Variants in CAMK1D observed in about 807,000 individuals in gnomAD.
CAMK1D encodes calcium/calmodulin dependent protein kinase ID, also known as calcium/calmodulin-dependent protein kinase type 1D.
In CAMK1D, 9 loss-of-function variants were observed where a neutral mutation model predicts 47.7. The ratio of observed to expected loss-of-function variants is 0.19; its 90% confidence interval spans 0.11 to 0.33. CAMK1D has a LOEUF of 0.33. CAMK1D is among the 10% of genes least tolerant of loss of function. CAMK1D has a pLI of 1.00. For missense variants in CAMK1D, 291 were observed against 488.7 expected (o/e 0.60, Z 3.81); for synonymous variants, 184 against 184.9 (o/e 0.99, Z 0.04).
intron 1 of CAMK1D, among the ~76,000 whole-genome samples, chr10:12,354,992 C>T (rs919470846): frequency 6.6e-6 from 1 of 151,940 alleles, no homozygotes; most frequent in East Asian, 1.9e-4. Context: ...CAGGTGTGCA[C>T]CACCATGCCT....
intron 1 of CAMK1D, among the ~76,000 whole-genome samples, chr10:12,417,273 T>TGAGAGA (rs139115283): frequency 6.7e-6 from 1 of 150,136 alleles, no homozygotes; most frequent in Non-Finnish European, 1.5e-5. Flanking sequence ...AAAAAGAGAC[T>TGAGAGA]GAGAGAGAGA....
At chr10:12,559,576 T>A (rs1290048751) in intron 2 of CAMK1D, among the ~76,000 whole-genome samples, 3 of 152,124 alleles carry the variant, frequency 2.0e-5, no homozygotes, top group Middle Eastern at 3.2e-3. Flanking sequence ...CCAGGCAATG[T>A]TTCCTTCAGG....
intron 2 of CAMK1D, among the ~76,000 whole-genome samples, chr10:12,636,566 G>A (rs1440743700): frequency 6.6e-6 from 1 of 152,108 alleles, no homozygotes; most frequent in East Asian, 1.9e-4. Context: ...GGGATCAAGC[G>A]TTTCTCCCAC....
At chr10:12,575,925 G>T (rs767060263) in intron 2 of CAMK1D, among the ~76,000 whole-genome samples, 1 of 152,184 alleles carries the variant, frequency 6.6e-6, no homozygotes, top group Non-Finnish European at 1.5e-5. Context: ...AAATGCAAGC[G>T]CAAGCACACA....
intron 5 of CAMK1D, among the ~76,000 whole-genome samples, chr10:12,770,652 T>C (rs1347986324): frequency 6.6e-6 from 1 of 152,090 alleles, no homozygotes; most frequent in African/African-American, 2.4e-5. Context: ...TTGAGTACTA[T>C]GAAGAAACTA....
At chr10:12,436,264 G>A (rs577739970) in intron 1 of CAMK1D, among the ~76,000 whole-genome samples, 10 of 152,248 alleles carry the variant, frequency 6.6e-5, no homozygotes, top group Admixed American at 1.3e-4. Flanking sequence ...GGCCAGCCTG[G>A]GCATCCTGTC....
chr10:12,738,462 A>G (rs534643022), intron 3 of CAMK1D, among the ~76,000 whole-genome samples: 1 of 152,232 alleles, frequency 6.6e-6, no homozygotes, highest in Non-Finnish European at 1.5e-5. Flanking sequence ...AATGTAAACA[A>G]AGATATTTAT....
chr10:12,724,293 CT>C (rs1269672938), intron 3 of CAMK1D, among the ~76,000 whole-genome samples: 1 of 152,170 alleles, frequency 6.6e-6, no homozygotes, highest in East Asian at 1.9e-4. Flanking sequence ...GTGTTTCTAT[CT>C]TTTTGTCTTG....
intron 1 of CAMK1D, among the ~76,000 whole-genome samples, chr10:12,461,687 CA>C (rs57291391): frequency 0.48 from 43,544 of 90,282 alleles, 6,715 homozygotes; most frequent in East Asian, 0.66. Context: ...GGCTTCATCT[CA>C]AAAAAAAAAA....
chr10:12,682,926 A>G (rs1048039153), intron 3 of CAMK1D, among the ~76,000 whole-genome samples: 46 of 150,114 alleles, frequency 3.1e-4, no homozygotes, highest in African/African-American at 1.1e-3. Flanking sequence ...ATTAAGTAAG[A>G]TTCTTTTTTT....
intron 1 of CAMK1D, among the ~76,000 whole-genome samples, chr10:12,545,121 G>A (rs1039359516): frequency 4.6e-5 from 7 of 151,984 alleles, no homozygotes; most frequent in Non-Finnish European, 1.0e-4. Flanking sequence ...AGCATGTTAA[G>A]GACTGTAATG....
chr10:12,386,664 G>A (rs993005303), intron 1 of CAMK1D, among the ~76,000 whole-genome samples: 2 of 152,110 alleles, frequency 1.3e-5, no homozygotes, highest in Non-Finnish European at 2.9e-5. Flanking sequence ...AAGAACATTT[G>A]TAATTATATT....
intron 1 of CAMK1D, among the ~76,000 whole-genome samples, chr10:12,551,556 A>C (rs1466030788): frequency 6.6e-6 from 1 of 152,140 alleles, no homozygotes; most frequent in African/African-American, 2.4e-5. Context: ...GGACTTCGAG[A>C]CCAGCCTGGG....
intron 1 of CAMK1D, among the ~76,000 whole-genome samples, chr10:12,377,482 T>A (rs1838218388): frequency 6.6e-6 from 1 of 152,254 alleles, no homozygotes; most frequent in Non-Finnish European, 1.5e-5. Flanking sequence ...CTCAATGTTC[T>A]TCCCTTAAGA....
intron 1 of CAMK1D, among the ~76,000 whole-genome samples, chr10:12,499,037 T>C (rs1030779964): frequency 6.6e-6 from 1 of 151,496 alleles, no homozygotes; most frequent in Non-Finnish European, 1.5e-5. Flanking sequence ...GGGTCATACC[T>C]GAAATCTACT....
rs188299460 is a variant in CAMK1D at position 12,543,131 on chromosome 10, T to C, written c.93-10094T>C. 5.4e-3 allele frequency among the ~76,000 whole-genome samples: 822 copies of C among 152,274 alleles called. 4 individuals carry two copies. Among genetic ancestry groups the C allele is most frequent in the African/African-American group, 0.018 (750 of 41,550 alleles). Reference sequence around the variant, plus strand: ...GGCACGATCTTGGCTCACTGCAACCTCCACTTCCTGGGTTCAAGTGATTCT... The same window carrying C: ...GGCACGATCTTGGCTCACTGCAACCCCCACTTCCTGGGTTCAAGTGATTCT... On this transcript the variant is annotated intron_variant, in intron 1 of 10. Coordinates refer to ENST00000619168, the MANE Select transcript of CAMK1D (RefSeq NM_153498.4).
At position 12,521,818 on chromosome 10, in the gene CAMK1D, T is replaced by G. The variant is rs141356038; in HGVS notation, c.93-31407T>G. On this transcript the variant is annotated intron_variant, in intron 1 of 10. Coordinates refer to ENST00000619168, the MANE Select transcript of CAMK1D (RefSeq NM_153498.4). ...TTACTTCTTTGTGGTGAATTTATTC[T>G]TTTATCATTATATGACAATCCTCTT... is the stretch of plus-strand genomic sequence containing the variant. Among the ~76,000 whole-genome samples, 890 of 152,356 alleles carry G rather than the reference T, an allele frequency of 5.8e-3. 10 individuals carry two copies. The highest frequency in any genetic ancestry group is 0.035 in the East Asian group (183 of 5,192).
chr10:12,372,891 A>C (rs1053756929), intron 1 of CAMK1D, among the ~76,000 whole-genome samples: 1 of 152,160 alleles, frequency 6.6e-6, no homozygotes, highest in South Asian at 2.1e-4. Context: ...TTGGCCTCTC[A>C]AAGTGCTGGG....
chr10:12,509,099 G>A (rs1241369112), intron 1 of CAMK1D, among the ~76,000 whole-genome samples: 1 of 152,184 alleles, frequency 6.6e-6, no homozygotes, highest in Non-Finnish European at 1.5e-5. Flanking sequence ...TGCAGAGAGA[G>A]CAGTAGGTGC....
Sources: allele counts gnomAD v4.1 joint callset (sites outside exome capture counted in the v4.1 genomes callset), GRCh38; gene constraint gnomAD v4.1.1; transcripts MANE v1.5; gene names NCBI Gene and HGNC (gene_info 2026-07-23, HGNC 2026-07-21).